PREX1: variants seen among roughly 807,000 people sequenced by gnomAD.
PREX1 encodes the protein phosphatidylinositol 3,4,5-trisphosphate-dependent Rac exchanger 1 protein.
Under a neutral mutation model 198.3 loss-of-function variants are expected in PREX1, and 41 were observed. The observed-to-expected ratio is 0.21, with a 90% CI of 0.16 to 0.27. PREX1 has a LOEUF of 0.27. PREX1 is among the 10% of genes least tolerant of loss of function. The pLI is 1.00. For missense variants in PREX1, 1,620 were observed against 2,200.7 expected (o/e 0.74, Z 5.28); for synonymous variants, 843 against 887.2 (o/e 0.95, Z 0.89).
chr20:48,805,881 T>C (rs976513326), intron 1 of PREX1, among the ~76,000 whole-genome samples: 4 of 152,186 alleles, frequency 2.6e-5, no homozygotes, highest in African/African-American at 9.7e-5. Context: ...TGTCCCCACC[T>C]GTAAGACAGG....
intron 9 of PREX1, 113 bp from the exon 10 acceptor site, chr20:48,688,917 ACCACCTGCCCTC>A: frequency 7.8e-7 from 1 of 1,277,600 alleles, no homozygotes; most frequent in Admixed American, 1.9e-5. Flanking sequence ...CACCTGCCCC[ACCACCTGCCCTC>A]CACCACCACC....
intron 32 of PREX1, 21 bp downstream of exon 32, chr20:48,636,442 C>A (rs771984212): frequency 1.9e-6 from 3 of 1,580,656 alleles, no homozygotes; most frequent in Non-Finnish European, 1.7e-6. Flanking sequence ...GCGGGGCCGC[C>A]CTCCCGCCCC....
intron 1 of PREX1, among the ~76,000 whole-genome samples, chr20:48,814,199 C>CT (rs1231358298): frequency 5.3e-5 from 8 of 152,234 alleles, no homozygotes. Context: ...TTTGCTCATG[C>CT]ATTCATTTCT....
intron 37 of PREX1, among the ~76,000 whole-genome samples, chr20:48,629,107 G>A (rs984245111): frequency 6.6e-6 from 1 of 152,154 alleles, no homozygotes; most frequent in African/African-American, 2.4e-5. Flanking sequence ...GGAGGTAGGA[G>A]GCAGGGGAGC....
At chr20:48,842,952 C>G in the PREX1 span, among the ~76,000 whole-genome samples, 1 of 152,028 alleles carries the variant, frequency 6.6e-6, no homozygotes, top group Non-Finnish European at 1.5e-5. Flanking sequence ...GCTGTATGGT[C>G]GGGGCTAGCA....
At position 48,681,274 on chromosome 20, in the gene PREX1, A is replaced by G. The variant is rs748171031; in HGVS notation, c.1396T>C (p.Leu466=). ...EISKTEEGVN[L]GQALLENGII... ...CCATTCTCCAACAGGGCTTGGCCCA[A>G]GTTGACTCCTTCTTCCGTCTTGCTG... is the stretch of plus-strand genomic sequence containing the variant. Residue 466 remains leucine, a synonymous_variant, in exon 11 of 40, where the codon TTG becomes CTG. Coordinates refer to ENST00000371941, the MANE Select transcript of PREX1 (RefSeq NM_020820.4). 6.2e-7 allele frequency: 1 copy of G among 1,614,198 alleles called. No homozygotes were observed. The highest frequency in any genetic ancestry group is 8.5e-7 in the Non-Finnish European group (1 of 1,180,030).
At chr20:48,861,755 TA>T in the PREX1 span, among the ~76,000 whole-genome samples, 3 of 152,118 alleles carry the variant, frequency 2.0e-5, no homozygotes, top group African/African-American at 7.2e-5. Context: ...GTTTCCCAAA[TA>T]GGGGGACCTC....
intron 6 of PREX1, among the ~76,000 whole-genome samples, chr20:48,706,382 C>G (rs1167737531): frequency 1.3e-5 from 2 of 152,174 alleles, no homozygotes; most frequent in Non-Finnish European, 2.9e-5. Flanking sequence ...ATGTATGTTG[C>G]TCTTTTCACC....
At chr20:48,698,784 A>C (rs1041791236) in intron 7 of PREX1, among the ~76,000 whole-genome samples, 2 of 152,162 alleles carry the variant, frequency 1.3e-5, no homozygotes, top group Non-Finnish European at 2.9e-5. Flanking sequence ...ACCAGAGCCA[A>C]GTTAACAACA....
the PREX1 span, among the ~76,000 whole-genome samples, chr20:48,864,047 GTTTTGGCAATTA>G: frequency 6.6e-6 from 1 of 152,000 alleles, no homozygotes; most frequent in East Asian, 1.9e-4. Context: ...TTGCTTCCAC[GTTTTGGCAATTA>G]TGAACAAAGG....
chr20:48,747,668 G>A (rs1394075464), intron 2 of PREX1, 141 bp downstream of exon 2: 1 of 891,676 alleles, frequency 1.1e-6, no homozygotes, highest in Non-Finnish European at 1.7e-6. Context: ...GAGCAAGCTG[G>A]GGCAGGGCAA....
intron 33 of PREX1, 97 bp from the exon 34 acceptor site, chr20:48,632,736 C>T (rs2089325369): frequency 7.1e-7 from 1 of 1,417,756 alleles, no homozygotes; most frequent in East Asian, 2.4e-5. Flanking sequence ...CTCCCTGCCC[C>T]CAGGTCCAGG....
rs151027817 is a variant in PREX1 at position 48,801,548 on chromosome 20, T to C, written c.219+26094A>G. Among the ~76,000 whole-genome samples the C allele has an allele frequency of 2.6e-5, 4 of 152,322 alleles. No individual in the cohort carries two copies. In the East Asian group the frequency reaches 5.8e-4, roughly 22 times the overall value. On this transcript the variant is annotated intron_variant, in intron 1 of 39. Coordinates refer to ENST00000371941, the MANE Select transcript of PREX1 (RefSeq NM_020820.4). ...AGGCACAGTTTCACCTCCGTGGATA[T>C]AGGCTTTCTGTTGAGAAACCAGCCT...
chr20:48,640,689 T>C (rs1241888785), intron 29 of PREX1, among the ~76,000 whole-genome samples: 1 of 152,086 alleles, frequency 6.6e-6, no homozygotes, highest in Non-Finnish European at 1.5e-5. Context: ...CAGTGCCCAG[T>C]ACAAGGCCTG....
intron 5 of PREX1, among the ~76,000 whole-genome samples, chr20:48,717,914 G>A (rs1042911073): frequency 6.6e-6 from 1 of 152,220 alleles, no homozygotes; most frequent in Non-Finnish European, 1.5e-5. Context: ...AGGTAGTGAT[G>A]AGACCAAGCT....
At chr20:48,670,936 G>A (rs764744414) in intron 14 of PREX1, among the ~76,000 whole-genome samples, 1 of 152,226 alleles carries the variant, frequency 6.6e-6, no homozygotes, top group Non-Finnish European at 1.5e-5. Flanking sequence ...TTTGTCTCAA[G>A]TTGTTCTGAG....
chr20:48,848,822 C>T, the PREX1 span, among the ~76,000 whole-genome samples: 10 of 152,148 alleles, frequency 6.6e-5, no homozygotes, highest in East Asian at 1.9e-4. Flanking sequence ...CTGCAACCTC[C>T]GCCTCTGGCA....
chr20:48,701,080 G>A (rs1320205255), intron 6 of PREX1, among the ~76,000 whole-genome samples, 194 bp from the exon 7 acceptor site: 2 of 152,172 alleles, frequency 1.3e-5, no homozygotes, highest in African/African-American at 2.4e-5. Context: ...CCTGGGGAGG[G>A]CACACTGATA....
rs751883767 is a variant in PREX1 at position 48,627,540 on chromosome 20, C to G, written c.4937+8G>C. 58 of 1,613,766 alleles carry G rather than the reference C, an allele frequency of 3.6e-5. No homozygotes were observed. In the Admixed American group the frequency reaches 4.0e-4, roughly 11 times the overall value. ...GGACAGGAAGGGGCGGACGAGGCAG[C>G]CACTCACCGCGGAGCACCCTGGGGC... On this transcript the variant is annotated splice_region_variant and intron_variant, in intron 39 of 39. Coordinates refer to ENST00000371941, the MANE Select transcript of PREX1 (RefSeq NM_020820.4).
Sources: gnomAD v4.1 joint callset for allele counts (sites outside exome capture counted in the v4.1 genomes callset) on GRCh38, gnomAD v4.1.1 for gene constraint, MANE v1.5 for transcripts, NCBI Gene and HGNC (gene_info 2026-07-23, HGNC 2026-07-21) for gene names.